The following TRAPPC6B variants were observed in gnomAD, a reference collection of about 807,000 sequenced individuals.
TRAPPC6B encodes TRAPP complex subunit 6B.
TRAPPC6B carries 27 observed loss-of-function variants against 24.7 expected under a neutral mutation model. The ratio of observed to expected loss-of-function variants is 1.09; its 90% CI spans 0.81 to 1.51. The LOEUF (loss-of-function observed/expected upper bound fraction) is 1.51, where lower values mean the gene tolerates loss of function less well. TRAPPC6B is among the 40% of genes most tolerant of loss of function. The pLI is 0.00. For missense variants in TRAPPC6B, 212 were observed against 190.8 expected, an observed-to-expected ratio of 1.11 and a Z score of -0.66; for synonymous variants, 80 against 66.6, an observed-to-expected ratio of 1.20 and a Z score of -0.98.
Position 39,170,039 on chromosome 14 carries a change from G to C in TRAPPC6B, c.57C>G (p.Tyr19Ter), listed in dbSNP as rs1397140571. The change falls in exon 1 of 6, where the codon TAC (tyrosine) becomes TAG (stop). Residue 19 changes from tyrosine (Y) to a stop codon, truncating the protein, a stop_gained. Transcript: ENST00000330149. LOFTEE classifies it high-confidence loss of function. ...LLHNEMVSGV[Y>*]KSAEQGEVEN... ...CCACCTCCCCCTGCTCCGCGGACTT[G>C]TACACTCCAGACACCATCTCGTTAT... is the stretch of plus-strand genomic sequence containing the variant. The C allele has an allele frequency of 1.2e-6, 2 of 1,614,100 alleles. No individual in the cohort carries two copies. The highest frequency in any genetic ancestry group is 1.7e-5 in the Admixed American group (1 of 59,988).
Position 39,148,228 on chromosome 14 carries a change from G to C in TRAPPC6B, c.*2122C>G, listed in dbSNP as rs2052876388. Reference sequence around the variant, plus strand: ...CTTCACTGAGAAGCAGAAGAGGGATGCTGGCAAATCCCTAACTTGTATCAA... The same window carrying C: ...CTTCACTGAGAAGCAGAAGAGGGATCCTGGCAAATCCCTAACTTGTATCAA... On this transcript the variant is annotated 3_prime_UTR_variant, in exon 6 of 6. Coordinates refer to ENST00000330149, the MANE Select transcript of TRAPPC6B (RefSeq NM_001079537.2). 6.4e-6 allele frequency: 1 copy of C among 155,746 alleles called. No individual in the cohort carries two copies. Among genetic ancestry groups the C allele is most frequent in the East Asian group, 1.9e-4 (1 of 5,338 alleles). The allele number at this position is 155,746 out of a possible 1,614,324, so 9.6% of individuals were successfully genotyped here.
chr14:39,157,317 C>A, intron 3 of TRAPPC6B: 1 of 369,656 alleles, frequency 2.7e-6, no homozygotes, highest in Non-Finnish European at 5.2e-6. Context: ...TCACCCAGGC[C>A]CTGCACCGCC....
At chr14:39,160,306 G>A (rs542614203) in intron 1 of TRAPPC6B, among the ~76,000 whole-genome samples, 11 of 152,120 alleles carry the variant, frequency 7.2e-5, no homozygotes, top group Non-Finnish European at 1.0e-4. Flanking sequence ...CTCAAGACAC[G>A]GTGGCTCATG....
At position 39,148,927 on chromosome 14, in the gene TRAPPC6B, T is replaced by C. The variant is rs1281247792; in HGVS notation, c.*1423A>G. On this transcript the variant is annotated 3_prime_UTR_variant, in exon 6 of 6. Coordinates refer to ENST00000330149, the MANE Select transcript of TRAPPC6B (RefSeq NM_001079537.2). Reference sequence around the variant, plus strand: ...TACAAACCTGTACAGCATATTATTGTAGTGAATACTGTAGGACACTGTAAC... The same window carrying C: ...TACAAACCTGTACAGCATATTATTGCAGTGAATACTGTAGGACACTGTAAC... The C allele has an allele frequency of 5.1e-6, 2 of 393,962 alleles. No homozygotes were observed. Among genetic ancestry groups the C allele is most frequent in the African/African-American group, 2.1e-5 (1 of 48,504 alleles). 24.4% of individuals were successfully genotyped at this position (393,962 alleles called of 1,614,324 possible). A position where few individuals can be genotyped will look rare whatever the true frequency, so the allele number is the denominator to read the frequency against.
intron 1 of TRAPPC6B, among the ~76,000 whole-genome samples, chr14:39,167,887 T>C (rs1457870928): frequency 6.6e-6 from 1 of 151,808 alleles, no homozygotes; most frequent in African/African-American, 2.4e-5. Context: ...AAAAAGATAT[T>C]TTAAAAAGAA....
At chr14:39,160,650 A>G (rs1566549395) in intron 1 of TRAPPC6B, among the ~76,000 whole-genome samples, 1 of 151,424 alleles carries the variant, frequency 6.6e-6, no homozygotes. Flanking sequence ...GGAAGGGAGA[A>G]AGAGAGAGAG....
Position 39,158,309 on chromosome 14 carries a change from G to C in TRAPPC6B, c.243C>G (p.Ile81Met), listed in dbSNP as rs771784060. 2 of 1,592,016 alleles carry C rather than the reference G, an allele frequency of 1.3e-6. No individual in the cohort carries two copies. The highest frequency in any genetic ancestry group is 3.6e-5 in the Admixed American group (2 of 54,874). Reference sequence around the variant, plus strand: ...CCTGATGATTTGTCCTTAGATTGTCGATTTGTTTCTTGAATACCGTAGTCC... The same window carrying C: ...CCTGATGATTTGTCCTTAGATTGTCCATTTGTTTCTTGAATACCGTAGTCC... ...DFWTTVFKKQIDNLRTNHQGI... is the reference protein window; with the variant it reads ...DFWTTVFKKQMDNLRTNHQGI... The change falls in exon 3 of 6, where the codon ATC (isoleucine) becomes ATG (methionine). Residue 81 changes from isoleucine to methionine, a missense_variant. By Grantham distance (10) the Ile-to-Met change is conservative (BLOSUM62 1). Transcript: ENST00000330149.
chr14:39,157,425 T>C, intron 3 of TRAPPC6B: 2 of 327,950 alleles, frequency 6.1e-6, no homozygotes, highest in South Asian at 5.2e-5. Context: ...AAAAGAAAGC[T>C]GCAGGCAAAG....
Position 39,150,066 on chromosome 14 carries a change from G to T in TRAPPC6B, c.*284C>A, listed in dbSNP as rs543240916. On this transcript the variant is annotated 3_prime_UTR_variant, in exon 6 of 6. Coordinates refer to ENST00000330149, the MANE Select transcript of TRAPPC6B (RefSeq NM_001079537.2). ...CCTGAGCTTTGTTTCTCCATCTATG[G>T]CTAAATACATATCACTCTAACCAAA... 105 of 264,694 alleles carry T rather than the reference G, an allele frequency of 4.0e-4. 1 individual carries two copies. The highest frequency in any genetic ancestry group is 2.1e-3 in the African/African-American group (94 of 45,224). The allele number at this position is 264,694 out of a possible 1,614,324, so 16.4% of individuals were successfully genotyped here.
At position 39,157,371 on chromosome 14, in the gene TRAPPC6B, A is replaced by G. The variant is rs1034204086; in HGVS notation, c.267+914T>C. 8.9e-6 allele frequency: 3 copies of G among 337,164 alleles called. No individual in the cohort carries two copies. In the East Asian group the frequency reaches 2.5e-4, roughly 28 times the overall value. 20.9% of individuals were successfully genotyped at this position (337,164 alleles called of 1,614,324 possible). A position where few individuals can be genotyped will look rare whatever the true frequency, so the allele number is the denominator to read the frequency against. Reference sequence around the variant, plus strand: ...TTAAGCTGGCCCACAAGTACAGACCAAAGACAAAGCAAGAAAATAAGCAGA... The same window carrying G: ...TTAAGCTGGCCCACAAGTACAGACCGAAGACAAAGCAAGAAAATAAGCAGA... On this transcript the variant is annotated intron_variant, in intron 3 of 5. Coordinates refer to ENST00000330149, the MANE Select transcript of TRAPPC6B (RefSeq NM_001079537.2).
chr14:39,167,258 T>C (rs1384336972), intron 1 of TRAPPC6B, among the ~76,000 whole-genome samples: 1 of 152,230 alleles, frequency 6.6e-6, no homozygotes, highest in Non-Finnish European at 1.5e-5. Flanking sequence ...TTTAAGAGAA[T>C]TCCTCTTTAA....
chr14:39,153,748 C>T (rs1218332828), intron 4 of TRAPPC6B, among the ~76,000 whole-genome samples: 2 of 145,230 alleles, frequency 1.4e-5, no homozygotes, highest in Admixed American at 7.0e-5. Context: ...ATACCCCAGG[C>T]TGGAGTGCAA....
At chr14:39,165,005 G>C (rs1484789706) in intron 1 of TRAPPC6B, among the ~76,000 whole-genome samples, 4 of 151,022 alleles carry the variant, frequency 2.6e-5, no homozygotes, top group African/African-American at 9.8e-5. Flanking sequence ...GTTCTCTTCT[G>C]TCTCCCTGCC....
chr14:39,169,262 G>T (rs940998227), intron 1 of TRAPPC6B, among the ~76,000 whole-genome samples: 1 of 152,122 alleles, frequency 6.6e-6, no homozygotes, highest in Admixed American at 6.6e-5. Context: ...TGTGAGGCAG[G>T]AGTATTATTT....
At chr14:39,151,076 T>C (rs927038198) in intron 5 of TRAPPC6B, among the ~76,000 whole-genome samples, 1 of 152,024 alleles carries the variant, frequency 6.6e-6, no homozygotes, top group Non-Finnish European at 1.5e-5. Context: ...ATAATAGACA[T>C]ATCCTAAACA....
chr14:39,165,752 C>T (rs2053101628), intron 1 of TRAPPC6B, among the ~76,000 whole-genome samples: 1 of 152,148 alleles, frequency 6.6e-6, no homozygotes, highest in South Asian at 2.1e-4. Context: ...AGCCAAAGTC[C>T]CAACACTGCA....
rs756513266 is a variant in TRAPPC6B at position 39,150,384 on chromosome 14, A to T, written c.446-3T>A. Reference sequence around the variant, plus strand: ...CTGTATCATCACCTGAAATTTGCCTAAAAAAAAAAATACAAATAATTCTTT... The same window carrying T: ...CTGTATCATCACCTGAAATTTGCCTTAAAAAAAAAATACAAATAATTCTTT... On this transcript the variant is annotated splice_region_variant and splice_polypyrimidine_tract_variant and intron_variant, in intron 5 of 5. Coordinates refer to ENST00000330149, the MANE Select transcript of TRAPPC6B (RefSeq NM_001079537.2). 11 of 772,226 alleles carry T rather than the reference A, an allele frequency of 1.4e-5. No individual in the cohort carries two copies. The highest frequency in any genetic ancestry group is 2.9e-4 in the Middle Eastern group (1 of 3,458). The allele number at this position is 772,226 out of a possible 1,614,324, so 47.8% of individuals were successfully genotyped here. A position where few individuals can be genotyped will look rare whatever the true frequency, so the allele number is the denominator to read the frequency against.
chr14:39,165,047 CT>C (rs141322850), intron 1 of TRAPPC6B, among the ~76,000 whole-genome samples: 4,187 of 138,716 alleles, frequency 0.03, 155 homozygotes, highest in African/African-American at 0.099. Context: ...ACTTCACATT[CT>C]TTTTTTTTTT....
chr14:39,151,713 A>G, intron 5 of TRAPPC6B, 33 bp downstream of exon 5: 1 of 1,470,434 alleles, frequency 6.8e-7, no homozygotes, highest in Non-Finnish European at 9.3e-7. Flanking sequence ...ACAAATTACT[A>G]AAACATTTGT....
Sources: gnomAD v4.1 joint callset for allele counts (sites outside exome capture counted in the v4.1 genomes callset) on GRCh38, gnomAD v4.1.1 for gene constraint, MANE v1.5 for transcripts, NCBI Gene and HGNC (gene_info 2026-07-23, HGNC 2026-07-21) for gene names.